The following SRPK2 variants were observed in gnomAD, a reference collection of about 807,000 sequenced individuals.
SRPK2 encodes SRSF protein kinase 2.
Under a neutral mutation model 90.8 loss-of-function variants are expected in SRPK2, and 21 were observed. The ratio of observed to expected loss-of-function variants is 0.23; its 90% CI spans 0.16 to 0.33. The LOEUF (loss-of-function observed/expected upper bound fraction) is 0.33. Ranked by LOEUF, SRPK2 falls within the 10% of genes least tolerant of loss-of-function variation. The pLI is 1.00. For synonymous variants in SRPK2, 288 were observed against 311.1 expected (o/e 0.93, Z 0.78); for missense variants, 620 against 869.0 (o/e 0.71, Z 3.60).
intron 2 of SRPK2, among the ~76,000 whole-genome samples, chr7:105,219,505 TTC>T (rs1563099797): frequency 6.6e-6 from 1 of 152,224 alleles, no homozygotes; most frequent in Non-Finnish European, 1.5e-5. Context: ...ACTCACTAGG[TTC>T]TGCTCCTATA....
intron 2 of SRPK2, among the ~76,000 whole-genome samples, chr7:105,373,094 A>G (rs1211257502): frequency 1.3e-5 from 2 of 152,156 alleles, no homozygotes; most frequent in African/African-American, 4.8e-5. Flanking sequence ...CATCTCAAAA[A>G]AAATCTGTGG....
chr7:105,295,189 T>A (rs1260788161), intron 2 of SRPK2, among the ~76,000 whole-genome samples: 2 of 145,306 alleles, frequency 1.4e-5, no homozygotes, highest in East Asian at 2.0e-4. Flanking sequence ...CCAGCCTGGG[T>A]GACAGAGCGA....
At chr7:105,156,154 A>G (rs1806455672) in intron 7 of SRPK2, among the ~76,000 whole-genome samples, 3 of 152,192 alleles carry the variant, frequency 2.0e-5, no homozygotes, top group South Asian at 4.1e-4. Context: ...CAGGCTCATA[A>G]TAAGTTTATT....
chr7:105,323,151 CCACA>C (rs760542287), intron 2 of SRPK2, among the ~76,000 whole-genome samples: 10 of 151,994 alleles, frequency 6.6e-5, no homozygotes, highest in Middle Eastern at 3.2e-3. Flanking sequence ...GATGGCGCCA[CCACA>C]CTCCAGCCTG....
intron 3 of SRPK2, among the ~76,000 whole-genome samples, chr7:105,193,873 T>C (rs1316032898): frequency 1.3e-5 from 2 of 152,220 alleles, no homozygotes; most frequent in Non-Finnish European, 2.9e-5. Flanking sequence ...GATATTTACA[T>C]GCAATGAAAG....
chr7:105,356,693 CT>C (rs1817820596), intron 2 of SRPK2, among the ~76,000 whole-genome samples: 2 of 152,064 alleles, frequency 1.3e-5, no homozygotes, highest in African/African-American at 4.8e-5. Flanking sequence ...CCTGTATTTG[CT>C]TTTTCATAGT....
At chr7:105,220,511 C>A (rs964739027) in intron 2 of SRPK2, among the ~76,000 whole-genome samples, 2 of 151,948 alleles carry the variant, frequency 1.3e-5, no homozygotes, top group Admixed American at 6.6e-5. Context: ...GGCGACAGAG[C>A]GAGACTCCAT....
chr7:105,135,314 C>T (rs1802632727), intron 11 of SRPK2, among the ~76,000 whole-genome samples: 1 of 152,152 alleles, frequency 6.6e-6, no homozygotes, highest in African/African-American at 2.4e-5. Context: ...CACTAAAAAC[C>T]CAAACACAGG....
chr7:105,210,120 C>T (rs551355220), intron 2 of SRPK2, among the ~76,000 whole-genome samples: 105 of 152,216 alleles, frequency 6.9e-4, no homozygotes, highest in African/African-American at 2.5e-3. Context: ...GCTGCTACTG[C>T]GTATTTCTTT....
intron 4 of SRPK2, among the ~76,000 whole-genome samples, chr7:105,168,481 GA>G (rs1343098527): frequency 1.3e-5 from 2 of 152,018 alleles, no homozygotes; most frequent in Non-Finnish European, 2.9e-5. Context: ...TCAGATAAGG[GA>G]TATTCAACTT....
chr7:105,216,389 A>AG (rs1160049125), intron 2 of SRPK2, among the ~76,000 whole-genome samples: 1 of 152,120 alleles, frequency 6.6e-6, no homozygotes, highest in East Asian at 1.9e-4. Flanking sequence ...GGTGAGATGA[A>AG]GGAAAGGAGG....
At chr7:105,244,988 C>G (rs1801407089) in intron 2 of SRPK2, 1 of 1,085,094 alleles carries the variant, frequency 9.2e-7, no homozygotes, top group African/African-American at 1.6e-5. Context: ...TCCCTGCCCT[C>G]TCCCTGAAAT....
At chr7:105,329,839 G>A (rs1814070245) in intron 2 of SRPK2, among the ~76,000 whole-genome samples, 1 of 151,770 alleles carries the variant, frequency 6.6e-6, no homozygotes, top group Non-Finnish European at 1.5e-5. Context: ...AGACCAGCCT[G>A]GCCAACATGG....
chr7:105,167,689 C>G (rs542931773), intron 5 of SRPK2, among the ~76,000 whole-genome samples: 1 of 152,072 alleles, frequency 6.6e-6, no homozygotes, highest in Non-Finnish European at 1.5e-5. Flanking sequence ...CGGCTCACTG[C>G]AACCTCTGCC....
At chr7:105,192,427 T>C (rs1563062909) in intron 3 of SRPK2, among the ~76,000 whole-genome samples, 1 of 152,144 alleles carries the variant, frequency 6.6e-6, no homozygotes, top group Non-Finnish European at 1.5e-5. Flanking sequence ...CACACCACAG[T>C]TTCTTTATCC....
At chr7:105,348,245 A>G (rs957827254) in intron 2 of SRPK2, among the ~76,000 whole-genome samples, 1 of 151,068 alleles carries the variant, frequency 6.6e-6, no homozygotes, top group Non-Finnish European at 1.5e-5. Flanking sequence ...CCAATTCTGT[A>G]TTGTTAATAG....
At chr7:105,137,856 A>C (rs965614165) in intron 11 of SRPK2, among the ~76,000 whole-genome samples, 7 of 152,162 alleles carry the variant, frequency 4.6e-5, no homozygotes, top group African/African-American at 1.7e-4. Context: ...TCTTGCCTCA[A>C]ATTCACGAAG....
chr7:105,234,127 T>C (rs758897540), intron 2 of SRPK2, among the ~76,000 whole-genome samples: 3 of 152,134 alleles, frequency 2.0e-5, no homozygotes, highest in Non-Finnish European at 4.4e-5. Context: ...AGAACACCTT[T>C]GCTGCACCAG....
At chr7:105,134,634 C>T (rs1802534296) in intron 11 of SRPK2, among the ~76,000 whole-genome samples, 3 of 152,178 alleles carry the variant, frequency 2.0e-5, no homozygotes, top group East Asian at 1.9e-4. Context: ...AACCAGGGTG[C>T]TTGGGGAGGC....
Sources: allele counts gnomAD v4.1 joint callset (sites outside exome capture counted in the v4.1 genomes callset), GRCh38; gene constraint gnomAD v4.1.1; transcripts MANE v1.5; gene names NCBI Gene and HGNC (gene_info 2026-07-23, HGNC 2026-07-21).